SETBP1: variants seen among roughly 807,000 people sequenced by gnomAD.
SETBP1 encodes the protein SET binding protein 1, also known as SET-binding protein.
A neutral mutation model predicts 101.0 loss-of-function variants in SETBP1; 9 were observed. The ratio of observed to expected loss-of-function variants is 0.09; its 90% CI spans 0.05 to 0.16. The LOEUF (loss-of-function observed/expected upper bound fraction) is 0.16, where lower values mean the gene tolerates loss of function less well. Among genes scored for constraint, SETBP1 ranks in the 10% least tolerant of loss-of-function variants. SETBP1 has a pLI of 1.00. For missense variants in SETBP1, 1,858 were observed against 2,033.8 expected (o/e 0.91, Z 1.66); for synonymous variants, 818 against 788.5 (o/e 1.04, Z -0.63).
chr18:44,851,946 T>C lies in SETBP1; in HGVS notation c.487-17284T>C, dbSNP rs529178506. ...CTCTTTCTGAGTGCCAACAGCTGCC[T>C]GCCCCATGCCCCAGGCTCACGGCCT... On this transcript the variant is annotated intron_variant, in intron 2 of 5. Coordinates refer to ENST00000649279, the MANE Select transcript of SETBP1 (RefSeq NM_015559.3). Among the ~76,000 whole-genome samples the C allele has an allele frequency of 1.8e-3, 280 of 152,338 alleles. 1 individual carries two copies. Among genetic ancestry groups the C allele is most frequent in the African/African-American group, 6.5e-3 (272 of 41,582 alleles).
intron 2 of SETBP1, among the ~76,000 whole-genome samples, chr18:44,846,043 C>A (rs2072718875): frequency 6.6e-6 from 1 of 152,188 alleles, no homozygotes; most frequent in Non-Finnish European, 1.5e-5. Flanking sequence ...AAACTCAAGG[C>A]TCCTCATGTT....
At chr18:44,901,616 A>G (rs947906693) in intron 3 of SETBP1, among the ~76,000 whole-genome samples, 2 of 152,170 alleles carry the variant, frequency 1.3e-5, no homozygotes, top group Admixed American at 6.5e-5. Flanking sequence ...TAACCCACAC[A>G]GTGGGCTTGG....
intron 4 of SETBP1, among the ~76,000 whole-genome samples, chr18:44,954,350 A>C (rs1033528651): frequency 5.9e-5 from 9 of 151,874 alleles, no homozygotes; most frequent in East Asian, 1.9e-4. Flanking sequence ...AAAAAAAAAA[A>C]AAAACAGTTC....
chr18:44,855,892 G>A (rs1456587346), intron 2 of SETBP1, among the ~76,000 whole-genome samples: 1 of 152,160 alleles, frequency 6.6e-6, no homozygotes, highest in Non-Finnish European at 1.5e-5. Context: ...ATTTTGCCTG[G>A]GCGTGTCATC....
intron 5 of SETBP1, among the ~76,000 whole-genome samples, chr18:45,060,429 A>G (rs1185384360): frequency 6.6e-6 from 1 of 152,192 alleles, no homozygotes; most frequent in Non-Finnish European, 1.5e-5. Context: ...AATTTTTACC[A>G]ACATGAGCTC....
At chr18:44,752,838 T>C (rs1175713599) in intron 2 of SETBP1, among the ~76,000 whole-genome samples, 1 of 152,212 alleles carries the variant, frequency 6.6e-6, no homozygotes, top group Non-Finnish European at 1.5e-5. Context: ...CTTCAGGTTC[T>C]CCTCTAACCT....
At chr18:45,027,598 T>C (rs2073194638) in intron 4 of SETBP1, among the ~76,000 whole-genome samples, 1 of 152,214 alleles carries the variant, frequency 6.6e-6, no homozygotes, top group South Asian at 2.1e-4. Flanking sequence ...CGCACTTAAC[T>C]TTAACATATG....
intron 4 of SETBP1, among the ~76,000 whole-genome samples, chr18:44,982,246 C>T (rs778043583): frequency 1.5e-4 from 23 of 152,150 alleles, no homozygotes; most frequent in Non-Finnish European, 1.8e-4. Flanking sequence ...TTGAAATGCG[C>T]ACAAGCAAAA....
At chr18:44,743,841 A>G (rs2070155674) in intron 2 of SETBP1, among the ~76,000 whole-genome samples, 1 of 152,194 alleles carries the variant, frequency 6.6e-6, no homozygotes, top group African/African-American at 2.4e-5. Flanking sequence ...ATACTTGGAA[A>G]AGTGCAGGCA....
intron 2 of SETBP1, among the ~76,000 whole-genome samples, chr18:44,770,014 T>A (rs2070839801): frequency 6.6e-6 from 1 of 152,230 alleles, no homozygotes; most frequent in Non-Finnish European, 1.5e-5. Flanking sequence ...TGACTCCTAG[T>A]GGATCCTGAA....
At chr18:45,003,684 T>TG (rs201425265) in intron 4 of SETBP1, among the ~76,000 whole-genome samples, 1 of 118,704 alleles carries the variant, frequency 8.4e-6, no homozygotes, top group East Asian at 2.7e-4. Context: ...AGTAATGTCA[T>TG]GGGAAAAAAA....
At chr18:45,047,400 T>C (rs1190839631) in intron 5 of SETBP1, among the ~76,000 whole-genome samples, 1 of 152,194 alleles carries the variant, frequency 6.6e-6, no homozygotes, top group African/African-American at 2.4e-5. Context: ...ATATATTTTA[T>C]GATCAGTTTT....
At chr18:44,975,822 G>C (rs907309838) in intron 4 of SETBP1, among the ~76,000 whole-genome samples, 4 of 152,110 alleles carry the variant, frequency 2.6e-5, no homozygotes, top group Non-Finnish European at 5.9e-5. Context: ...GCAGAAGATG[G>C]TTTGGGAAAT....
rs1241096112 is a variant in SETBP1 at position 44,805,433 on chromosome 18, T to TGG, written c.487-63795_487-63794dup. Among the ~76,000 whole-genome samples, 1,038 of 150,002 alleles carry TGG rather than the reference T, an allele frequency of 6.9e-3. 14 individuals carry two copies. Among genetic ancestry groups the TGG allele is most frequent in the African/African-American group, 0.024 (985 of 40,804 alleles). On this transcript the variant is annotated intron_variant, in intron 2 of 5. Transcript: ENST00000649279. ...GTGTGTGTGTGTGTGTGTGTGTGTG[T>TGG]GGGTGTGTTTGTACGTGTACTTCTC...
chr18:45,001,521 G>T (rs2072618605), intron 4 of SETBP1, among the ~76,000 whole-genome samples: 1 of 152,128 alleles, frequency 6.6e-6, no homozygotes, highest in Non-Finnish European at 1.5e-5. Flanking sequence ...GTGGGGAGCT[G>T]TTCATCTCTG....
chr18:44,861,817 T>C (rs7242720), intron 2 of SETBP1, among the ~76,000 whole-genome samples: 2,306 of 152,346 alleles, frequency 0.015, 107 homozygotes, highest in East Asian at 0.11. Flanking sequence ...GAAGATGCCC[T>C]ACATAAAATC....
At chr18:44,828,720 A>G (rs2072291242) in intron 2 of SETBP1, among the ~76,000 whole-genome samples, 1 of 152,214 alleles carries the variant, frequency 6.6e-6, no homozygotes, top group Non-Finnish European at 1.5e-5. Context: ...CTAACTCCCA[A>G]TGTGACTGTA....
intron 2 of SETBP1, chr18:44,732,694 A>G (rs2069863560): frequency 6.6e-6 from 1 of 152,194 alleles, no homozygotes; most frequent in Non-Finnish European, 1.5e-5. Context: ...AAACAAGAAC[A>G]GTTCAGGTCT....
At chr18:44,879,162 T>C (rs1234566133) in intron 3 of SETBP1, among the ~76,000 whole-genome samples, 1 of 152,224 alleles carries the variant, frequency 6.6e-6, no homozygotes, top group African/African-American at 2.4e-5. Context: ...ATAGTAAAAA[T>C]TGATGCTTGT....
Sources: allele counts gnomAD v4.1 joint callset (sites outside exome capture counted in the v4.1 genomes callset), GRCh38; gene constraint gnomAD v4.1.1; transcripts MANE v1.5; gene names NCBI Gene and HGNC (gene_info 2026-07-23, HGNC 2026-07-21).